The following FBXO4 variants were observed in gnomAD, a reference collection of about 807,000 sequenced individuals.
FBXO4 encodes the protein F-box protein 4.
A neutral mutation model predicts 43.7 loss-of-function variants in FBXO4; 36 were observed. The ratio of observed to expected loss-of-function variants is 0.82; its 90% CI spans 0.63 to 1.09. The LOEUF (loss-of-function observed/expected upper bound fraction) is 1.09, where lower values mean the gene tolerates loss of function less well. Among genes scored for constraint, FBXO4 ranks in the 50% least tolerant of loss-of-function variants. The probability of loss-of-function intolerance (pLI) is 0.00; values close to 1 mark genes in which losing one functional copy is unlikely to be tolerated. For synonymous variants in FBXO4, 180 were observed against 165.6 expected (o/e 1.09, Z -0.67); for missense variants, 435 against 474.1 (o/e 0.92, Z 0.77).
At chr5:42,016,680 T>A in the FBXO4 span, among the ~76,000 whole-genome samples, 1 of 152,038 alleles carries the variant, frequency 6.6e-6, no homozygotes, top group African/African-American at 2.4e-5. Context: ...ATAGGTCCTT[T>A]TTTGAAATTT....
the FBXO4 span, among the ~76,000 whole-genome samples, chr5:41,963,076 G>C: frequency 6.6e-6 from 1 of 151,940 alleles, no homozygotes; most frequent in Admixed American, 6.6e-5. Context: ...GGTTACTGTT[G>C]TTAGGTTGGG....
chr5:41,929,979 A>G, intron 3 of FBXO4, 62 bp downstream of exon 3: 2 of 1,283,302 alleles, frequency 1.6e-6, no homozygotes, highest in South Asian at 2.8e-5. Context: ...CTTGTTAAAA[A>G]GAAAGAAATT....
At chr5:41,997,277 T>C in the FBXO4 span, among the ~76,000 whole-genome samples, 1 of 152,246 alleles carries the variant, frequency 6.6e-6, no homozygotes, top group Non-Finnish European at 1.5e-5. Flanking sequence ...TCATTCTCCA[T>C]GATCCATCTC....
At chr5:41,955,073 T>C in the FBXO4 span, among the ~76,000 whole-genome samples, 1 of 152,170 alleles carries the variant, frequency 6.6e-6, no homozygotes, top group South Asian at 2.1e-4. Context: ...AGGAAAGTAG[T>C]GTCAGAGAAG....
chr5:41,989,170 T>C, the FBXO4 span, among the ~76,000 whole-genome samples: 5 of 152,152 alleles, frequency 3.3e-5, no homozygotes, highest in Non-Finnish European at 7.4e-5. Context: ...CCCTAAAGAA[T>C]TTCCAGTTTG....
chr5:41,993,843 C>G, the FBXO4 span, among the ~76,000 whole-genome samples: 1 of 151,986 alleles, frequency 6.6e-6, no homozygotes, highest in African/African-American at 2.4e-5. Context: ...GAGGCTAAGC[C>G]AGTCTAGTGT....
At chr5:42,003,002 A>G in the FBXO4 span, among the ~76,000 whole-genome samples, 2 of 152,184 alleles carry the variant, frequency 1.3e-5, no homozygotes, top group Non-Finnish European at 2.9e-5. Flanking sequence ...GTATTTTGTG[A>G]TTCCAGTTTT....
At chr5:41,942,851 AT>A (rs1561173682), downstream of FBXO4, among the ~76,000 whole-genome samples, 1 of 152,108 alleles carries the variant, frequency 6.6e-6, no homozygotes, top group Non-Finnish European at 1.5e-5. Context: ...AGCCATTTGC[AT>A]TTTAGATGTT....
chr5:42,002,286 G>T, the FBXO4 span, among the ~76,000 whole-genome samples: 1 of 152,174 alleles, frequency 6.6e-6, no homozygotes, highest in Non-Finnish European at 1.5e-5. Flanking sequence ...CACACAAAAA[G>T]AGTTATAGTA....
At chr5:41,942,365 G>A (rs1008968695), downstream of FBXO4, among the ~76,000 whole-genome samples, 3 of 151,574 alleles carry the variant, frequency 2.0e-5, no homozygotes, top group Non-Finnish European at 2.9e-5. Flanking sequence ...TATGATAGAA[G>A]AGTGGTTTAA....
chr5:41,953,921 C>A, the FBXO4 span, among the ~76,000 whole-genome samples: 1 of 152,124 alleles, frequency 6.6e-6, no homozygotes, highest in East Asian at 1.9e-4. Context: ...GAGTAGGTTG[C>A]GAAGAAAACC....
At chr5:41,935,520 A>G (rs376179116) in intron 5 of FBXO4, among the ~76,000 whole-genome samples, 2 of 152,364 alleles carry the variant, frequency 1.3e-5, no homozygotes, top group East Asian at 3.9e-4. Flanking sequence ...AGGAGCAGGA[A>G]TTCCACTTGT....
At chr5:41,960,327 T>C in the FBXO4 span, among the ~76,000 whole-genome samples, 1 of 152,116 alleles carries the variant, frequency 6.6e-6, no homozygotes, top group Non-Finnish European at 1.5e-5. Context: ...TTCTTTCTGA[T>C]TTGGATGCCT....
At chr5:42,021,194 G>A in the FBXO4 span, among the ~76,000 whole-genome samples, 1 of 152,158 alleles carries the variant, frequency 6.6e-6, no homozygotes, top group Non-Finnish European at 1.5e-5. Flanking sequence ...TCGGATAAGA[G>A]TTGAAGGAAG....
the FBXO4 span, among the ~76,000 whole-genome samples, chr5:41,974,453 T>A: frequency 1.3e-5 from 2 of 152,220 alleles, no homozygotes; most frequent in African/African-American, 2.4e-5. Flanking sequence ...TTCCCAGGTA[T>A]GTTTTTCTCT....
the FBXO4 span, among the ~76,000 whole-genome samples, chr5:41,947,102 G>A: frequency 6.6e-6 from 1 of 152,038 alleles, no homozygotes; most frequent in Non-Finnish European, 1.5e-5. Flanking sequence ...AACACAAAGA[G>A]CCCTAGAAAA....
chr5:42,032,051 T>C, the FBXO4 span, among the ~76,000 whole-genome samples: 1 of 141,878 alleles, frequency 7.0e-6, no homozygotes, highest in African/African-American at 2.7e-5. Flanking sequence ...CTCTCTGTCT[T>C]TTTTTCTGTG....
At chr5:41,967,625 A>T in the FBXO4 span, 2 of 1,049,694 alleles carry the variant, frequency 1.9e-6, no homozygotes, top group East Asian at 5.7e-5. Context: ...TAGGGTTGGA[A>T]TGCCAGTTTG....
At chr5:42,010,668 A>G in the FBXO4 span, among the ~76,000 whole-genome samples, 2 of 152,082 alleles carry the variant, frequency 1.3e-5, no homozygotes, top group African/African-American at 4.8e-5. Context: ...GGGGGTTATG[A>G]AATATTTGTT....
Sources: allele counts gnomAD v4.1 joint callset (sites outside exome capture counted in the v4.1 genomes callset), GRCh38; gene constraint gnomAD v4.1.1; transcripts MANE v1.5; gene names NCBI Gene and HGNC (gene_info 2026-07-23, HGNC 2026-07-21).